The following DGKH variants were observed in gnomAD, a reference collection of about 807,000 sequenced individuals.
DGKH encodes DAG kinase eta.
A neutral mutation model predicts 159.3 loss-of-function variants in DGKH; 90 were observed. The ratio of observed to expected loss-of-function variants is 0.57; its 90% CI spans 0.48 to 0.67. DGKH has a LOEUF of 0.67. Ranked by LOEUF, DGKH falls within the 30% of genes least tolerant of loss-of-function variation. DGKH has a pLI of 0.00. For synonymous variants in DGKH, 536 were observed against 553.8 expected (o/e 0.97, Z 0.45); for missense variants, 1,181 against 1,506.1 (o/e 0.78, Z 3.57).
intron 1 of DGKH, among the ~76,000 whole-genome samples, chr13:42,100,860 T>G (rs1954639151): frequency 6.6e-6 from 1 of 152,200 alleles, no homozygotes; most frequent in East Asian, 1.9e-4. Flanking sequence ...CACTAAATCT[T>G]TTAATTAAAT....
At chr13:42,188,690 G>T (rs1237058343) in intron 14 of DGKH, among the ~76,000 whole-genome samples, 2 of 152,078 alleles carry the variant, frequency 1.3e-5, no homozygotes, top group Non-Finnish European at 2.9e-5. Context: ...ATATTATAAA[G>T]ATGTTTTTCC....
At chr13:42,212,524 T>C (rs1412264285) in intron 24 of DGKH, among the ~76,000 whole-genome samples, 3 of 152,196 alleles carry the variant, frequency 2.0e-5, no homozygotes, top group Non-Finnish European at 2.9e-5. Context: ...ATACTTCCCA[T>C]GTTCTCATCC....
Position 42,155,759 on chromosome 13 carries a change from G to A in DGKH, c.582G>A (p.Glu194=), listed in dbSNP as rs754662217. The A allele has an allele frequency of 5.0e-6, 8 of 1,613,984 alleles. No individual in the cohort carries two copies. The East Asian group carries it at 1.6e-4, about 31-fold the overall frequency. ...CCACCTTCTGTAACGTGTGCAGAGA[G>A]AGTCTTTCTGGAGTCACCTCCCATG... The part of the protein sequence containing the change: ...ARPTFCNVCR[E]SLSGVTSHGL... Residue 194 remains glutamate, a synonymous_variant, in exon 5 of 30, where the codon GAG becomes GAA. Coordinates refer to ENST00000337343, the MANE Select transcript of DGKH (RefSeq NM_178009.5).
chr13:42,151,756 A>G (rs537848364), intron 3 of DGKH, among the ~76,000 whole-genome samples: 4 of 151,996 alleles, frequency 2.6e-5, no homozygotes, highest in East Asian at 3.9e-4. Context: ...TAATAAACAT[A>G]TAAGTGCAGG....
chr13:42,105,595 A>G (rs1954735321), intron 1 of DGKH, among the ~76,000 whole-genome samples: 1 of 152,150 alleles, frequency 6.6e-6, no homozygotes, highest in African/African-American at 2.4e-5. Flanking sequence ...CTGCTTTCTT[A>G]TCTGGAAAAG....
chr13:42,186,575 C>T (rs989694260), intron 13 of DGKH, among the ~76,000 whole-genome samples: 2 of 152,138 alleles, frequency 1.3e-5, no homozygotes, highest in African/African-American at 2.4e-5. Flanking sequence ...TTCAGCATAA[C>T]GCACAACCTC....
chr13:42,247,445 G>T (rs1021996521), downstream of DGKH, among the ~76,000 whole-genome samples: 1 of 151,744 alleles, frequency 6.6e-6, no homozygotes, highest in Non-Finnish European at 1.5e-5. Flanking sequence ...TTGCCAGGCT[G>T]GTCTCGAACT....
chr13:42,113,156 T>C (rs1212114403), intron 1 of DGKH, among the ~76,000 whole-genome samples: 1 of 152,204 alleles, frequency 6.6e-6, no homozygotes. Context: ...TAGGAAGATT[T>C]TGACACCAGA....
At chr13:42,173,732 C>T (rs955096668) in intron 11 of DGKH, among the ~76,000 whole-genome samples, 2 of 152,164 alleles carry the variant, frequency 1.3e-5, no homozygotes, top group Non-Finnish European at 2.9e-5. Flanking sequence ...AGTCAGAATG[C>T]ATTGCACCTG....
At chr13:42,051,148 A>G (rs966104329) in intron 1 of DGKH, among the ~76,000 whole-genome samples, 1 of 152,366 alleles carries the variant, frequency 6.6e-6, no homozygotes, top group East Asian at 1.9e-4. Context: ...TGACTTTCTA[A>G]TAAAAACATT....
chr13:42,140,214 T>C (rs1955508878), intron 3 of DGKH, among the ~76,000 whole-genome samples: 1 of 152,214 alleles, frequency 6.6e-6, no homozygotes. Flanking sequence ...ACCTTGTGGA[T>C]TGCCAGTGGC....
chr13:42,186,546 C>A lies in DGKH; in HGVS notation c.1539-503C>A, dbSNP rs141018148. 1.2e-4 allele frequency among the ~76,000 whole-genome samples: 18 copies of A among 152,268 alleles called. No homozygotes were observed. The East Asian group carries it at 2.9e-3, about 24-fold the overall frequency. The stretch of plus-strand genomic sequence containing the variant: ...ATGAATAGATTTACAGAGAATATAA[C>A]TCAAGTGGCAGATTTGTTTTCAGCA... On this transcript the variant is annotated intron_variant, in intron 13 of 29. Coordinates refer to ENST00000337343, the MANE Select transcript of DGKH (RefSeq NM_178009.5).
At chr13:42,156,757 G>A (rs969896255) in intron 5 of DGKH, among the ~76,000 whole-genome samples, 1 of 152,058 alleles carries the variant, frequency 6.6e-6, no homozygotes, top group East Asian at 1.9e-4. Flanking sequence ...AGTAGTAATA[G>A]AATCACAGCC....
rs146033051 is a variant in DGKH at position 42,064,338 on chromosome 13, T to C, written c.192+15373T>C. Reference sequence around the variant, plus strand: ...GACTAGAGAAATGCAGCAGTGTGAATATCAAGTTGCATTTAGGGCACACCT... The same window carrying C: ...GACTAGAGAAATGCAGCAGTGTGAACATCAAGTTGCATTTAGGGCACACCT... On this transcript the variant is annotated intron_variant, in intron 1 of 29. Transcript: ENST00000337343. Among the ~76,000 whole-genome samples, 43 of 152,248 alleles carry C rather than the reference T, an allele frequency of 2.8e-4. No homozygotes were observed. The East Asian group carries it at 7.5e-3, about 27-fold the overall frequency.
At chr13:42,250,980 T>G (rs1051398533) in intron 29 of DGKH, among the ~76,000 whole-genome samples, 1 of 152,240 alleles carries the variant, frequency 6.6e-6, no homozygotes, top group Admixed American at 6.5e-5. Context: ...ATGTTTAATG[T>G]TGTTTTGGCC....
At chr13:42,179,380 T>C (rs1046639745) in intron 13 of DGKH, among the ~76,000 whole-genome samples, 3 of 152,268 alleles carry the variant, frequency 2.0e-5, no homozygotes, top group Non-Finnish European at 4.4e-5. Context: ...TGTAACTTTA[T>C]TGCTTAATTT....
At chr13:42,044,434 C>T (rs371771542), upstream of DGKH, among the ~76,000 whole-genome samples, 762 of 152,134 alleles carry the variant, frequency 5.0e-3, 4 homozygotes, top group African/African-American at 0.015. Flanking sequence ...GGATTACAGG[C>T]GCGTGCCACC....
chr13:42,121,872 G>A (rs1248527466), intron 1 of DGKH, among the ~76,000 whole-genome samples: 2 of 152,208 alleles, frequency 1.3e-5, no homozygotes, highest in African/African-American at 4.8e-5. Context: ...GATACTGTCT[G>A]TGTGATGAAT....
chr13:42,227,111 G>C (rs1225988442), intron 29 of DGKH, among the ~76,000 whole-genome samples: 1 of 152,112 alleles, frequency 6.6e-6, no homozygotes, highest in Admixed American at 6.6e-5. Context: ...TGTTGTGGGG[G>C]CAGAAGGAGG....
Sources: gnomAD v4.1 joint callset for allele counts (sites outside exome capture counted in the v4.1 genomes callset) on GRCh38, gnomAD v4.1.1 for gene constraint, MANE v1.5 for transcripts, NCBI Gene and HGNC (gene_info 2026-07-23, HGNC 2026-07-21) for gene names.